COA1: variants seen among roughly 807,000 people sequenced by gnomAD.
COA1 encodes cytochrome c oxidase assembly factor 1, also known as cytochrome c oxidase assembly factor 1 homolog.
COA1 carries 13 observed loss-of-function variants against 16.0 expected under a neutral mutation model. That is an observed-to-expected ratio of 0.81 (90% CI 0.53 to 1.29). The LOEUF is 1.29. COA1 is among the 50% of genes most tolerant of loss of function. The pLI is 0.00. For missense variants in COA1, 179 were observed against 177.0 expected (o/e 1.01, Z -0.06); for synonymous variants, 65 against 65.7 (o/e 0.99, Z 0.05).
chr7:43,678,044 T>C (rs1220058305), intron 1 of COA1, among the ~76,000 whole-genome samples: 4 of 152,142 alleles, frequency 2.6e-5, no homozygotes, highest in African/African-American at 9.7e-5. Flanking sequence ...AGGATTCAGG[T>C]AGCACATGTG....
chr7:43,675,783 G>C (rs1479617525), intron 1 of COA1, among the ~76,000 whole-genome samples: 1 of 152,028 alleles, frequency 6.6e-6, no homozygotes, highest in Non-Finnish European at 1.5e-5. Flanking sequence ...AGGTGCTACT[G>C]GTTCAAGAGA....
At chr7:43,619,471 C>A in intron 6 of COA1, 3 of 1,221,726 alleles carry the variant, frequency 2.5e-6, no homozygotes, top group Non-Finnish European at 3.4e-6. Context: ...ATTTCTTTAA[C>A]AAATGACTGT....
intron 1 of COA1, chr7:43,658,674 T>C (rs2092085505): frequency 6.6e-6 from 1 of 152,132 alleles, no homozygotes; most frequent in Non-Finnish European, 1.5e-5. Context: ...GTGAAGACTC[T>C]CTCAAAAATA....
At chr7:43,628,390 G>T (rs1237657334) in intron 6 of COA1, among the ~76,000 whole-genome samples, 1 of 152,178 alleles carries the variant, frequency 6.6e-6, no homozygotes, top group African/African-American at 2.4e-5. Context: ...TTTCTGTGGG[G>T]CTATTATAAA....
At chr7:43,614,517 G>A (rs1031709184) in intron 6 of COA1, among the ~76,000 whole-genome samples, 8 of 152,254 alleles carry the variant, frequency 5.3e-5, no homozygotes, top group Middle Eastern at 3.4e-3. Context: ...TTTCACCATC[G>A]AAGAACTAAC....
At chr7:43,677,553 C>T (rs546919054) in intron 1 of COA1, among the ~76,000 whole-genome samples, 1 of 152,270 alleles carries the variant, frequency 6.6e-6, no homozygotes, top group South Asian at 2.1e-4. Flanking sequence ...AATCCCAGCA[C>T]TTTGGGAGGC....
At chr7:43,623,924 A>G (rs1476096972) in intron 6 of COA1, 6 of 1,301,704 alleles carry the variant, frequency 4.6e-6, no homozygotes, top group Non-Finnish European at 5.0e-6. Flanking sequence ...TATTGAACTA[A>G]TTCAATATTA....
At chr7:43,671,022 G>A (rs1457279613) in intron 1 of COA1, among the ~76,000 whole-genome samples, 2 of 152,150 alleles carry the variant, frequency 1.3e-5, no homozygotes, top group Non-Finnish European at 2.9e-5. Context: ...CAATAAAATA[G>A]AGAAAGAATG....
At chr7:43,697,969 G>A (rs1298045950) in intron 1 of COA1, among the ~76,000 whole-genome samples, 1 of 152,136 alleles carries the variant, frequency 6.6e-6, no homozygotes, top group African/African-American at 2.4e-5. Flanking sequence ...TTTCATTTAG[G>A]GACATGAGTT....
At chr7:43,630,111 CAG>C (rs1202386228) in intron 6 of COA1, among the ~76,000 whole-genome samples, 1 of 152,112 alleles carries the variant, frequency 6.6e-6, no homozygotes, top group Non-Finnish European at 1.5e-5. Flanking sequence ...ACAGTTGTGA[CAG>C]AGATCTGAAG....
chr7:43,666,885 A>G (rs2092925362), intron 1 of COA1, among the ~76,000 whole-genome samples: 1 of 152,220 alleles, frequency 6.6e-6, no homozygotes, highest in South Asian at 2.1e-4. Flanking sequence ...ATTAAACTCA[A>G]AAGGGTATTA....
At chr7:43,675,856 C>G (rs2093492032) in intron 1 of COA1, among the ~76,000 whole-genome samples, 1 of 152,094 alleles carries the variant, frequency 6.6e-6, no homozygotes, top group African/African-American at 2.4e-5. Flanking sequence ...ACATCTAATT[C>G]TAACACTAGA....
At chr7:43,710,914 G>A (rs532976642) in intron 1 of COA1, among the ~76,000 whole-genome samples, 1 of 152,272 alleles carries the variant, frequency 6.6e-6, no homozygotes, top group South Asian at 2.1e-4. Context: ...GCAGCTGCCA[G>A]GGTTTCATTG....
intron 1 of COA1, among the ~76,000 whole-genome samples, chr7:43,727,104 T>C (rs1468180751): frequency 2.0e-5 from 3 of 152,210 alleles, no homozygotes; most frequent in African/African-American, 7.2e-5. Flanking sequence ...AAAATATCAC[T>C]CTGTAGTCCC....
intron 1 of COA1, among the ~76,000 whole-genome samples, chr7:43,698,263 G>A (rs754647271): frequency 1.1e-4 from 16 of 152,178 alleles, no homozygotes; most frequent in African/African-American, 3.9e-4. Flanking sequence ...AATTTCAGTG[G>A]TGTCAATACA....
intron 6 of COA1, among the ~76,000 whole-genome samples, chr7:43,615,884 G>A (rs538829171): frequency 6.6e-6 from 1 of 152,074 alleles, no homozygotes; most frequent in Non-Finnish European, 1.5e-5. Context: ...CCTCCCTCAG[G>A]TTGCCTTCTT....
intron 1 of COA1, chr7:43,656,131 A>G (rs2091672560): frequency 6.6e-6 from 1 of 152,220 alleles, no homozygotes; most frequent in African/African-American, 2.4e-5. Flanking sequence ...GGACAAAAGA[A>G]CCATCAGCTG....
At chr7:43,700,319 C>T (rs1186072980) in intron 1 of COA1, among the ~76,000 whole-genome samples, 1 of 152,046 alleles carries the variant, frequency 6.6e-6, no homozygotes, top group Non-Finnish European at 1.5e-5. Context: ...CACTACCTAT[C>T]TAACAGGCTC....
intron 3 of COA1, chr7:43,646,432 A>G (rs2089319167): frequency 2.5e-6 from 1 of 393,986 alleles, no homozygotes; most frequent in Non-Finnish European, 5.2e-6. Flanking sequence ...TAACATTACC[A>G]CACATCACAC....
Sources: allele counts gnomAD v4.1 joint callset (sites outside exome capture counted in the v4.1 genomes callset), GRCh38; gene constraint gnomAD v4.1.1; transcripts MANE v1.5; gene names NCBI Gene and HGNC (gene_info 2026-07-23, HGNC 2026-07-21).